ACP7: variants seen among roughly 807,000 people sequenced by gnomAD.
ACP7 encodes acid phosphatase type 7.
A neutral mutation model predicts 60.6 loss-of-function variants in ACP7; 58 were observed. That is an observed-to-expected ratio of 0.96 (90% CI 0.77 to 1.19). The LOEUF (loss-of-function observed/expected upper bound fraction) is 1.19, where lower values mean the gene tolerates loss of function less well. Ranked by LOEUF, ACP7 falls within the 50% of genes most tolerant of loss-of-function variation. The probability of loss-of-function intolerance (pLI) is 0.00; values close to 1 mark genes in which losing one functional copy is unlikely to be tolerated. For missense variants in ACP7, 574 were observed against 596.2 expected (o/e 0.96, Z 0.39); for synonymous variants, 237 against 232.6 (o/e 1.02, Z -0.17).
rs570115329 is a variant in ACP7, at chr19:39,106,371, C to T, written c.1114-576C>T. On this transcript the variant is annotated intron_variant, in intron 11 of 12. Coordinates refer to ENST00000331256, the MANE Select transcript of ACP7 (RefSeq NM_001004318.3). Reference sequence around the variant, plus strand: ...TGTATTTAACTGACTCCCTGATGGGCGTTGGGATGGCTTCCAGTTCAGGGC... The same window carrying T: ...TGTATTTAACTGACTCCCTGATGGGTGTTGGGATGGCTTCCAGTTCAGGGC... Among the ~76,000 whole-genome samples, 122 of 152,266 alleles carry T rather than the reference C, an allele frequency of 8.0e-4. 1 individual carries two copies. In the Middle Eastern group the frequency reaches 0.01, roughly 13 times the overall value.
rs1415725659 is a variant in ACP7, at chr19:39,100,223, C to G, written c.506-4C>G. On this transcript the variant is annotated splice_region_variant and splice_polypyrimidine_tract_variant and intron_variant, in intron 4 of 12. Coordinates refer to ENST00000331256, the MANE Select transcript of ACP7 (RefSeq NM_001004318.3). Reference sequence around the variant, plus strand: ...CCTCACCCTCCTTCCGCCCCCTCCCCCAGGAGACTTTGCCTACAACCTGGA... The same window carrying G: ...CCTCACCCTCCTTCCGCCCCCTCCCGCAGGAGACTTTGCCTACAACCTGGA... 1.9e-6 allele frequency: 3 copies of G among 1,613,794 alleles called. No homozygotes were observed. Among genetic ancestry groups the G allele is most frequent in the South Asian group, 1.1e-5 (1 of 91,086 alleles).
At chr19:39,099,221 G>T (rs1344087213) in intron 4 of ACP7, 79 bp downstream of exon 4, 8 of 1,365,762 alleles carry the variant, frequency 5.9e-6, no homozygotes, top group Non-Finnish European at 7.5e-6. Flanking sequence ...GGTCGGGGGC[G>T]CGCGGGTCGG....
Position 39,101,303 on chromosome 19 carries a change from T to C in ACP7, c.989T>C (p.Leu330Pro). The C allele has an allele frequency of 1.2e-6, 2 of 1,614,224 alleles. No homozygotes were observed. The highest frequency in any genetic ancestry group is 4.5e-5 in the East Asian group (2 of 44,884). The change falls in exon 10 of 13, where the codon CTG (leucine) becomes CCG (proline). Residue 330 changes from leucine (L) to proline (P), a missense_variant. Leu to Pro is a moderately conservative substitution (Grantham distance 98, BLOSUM62 -3). Coordinates refer to ENST00000331256, the MANE Select transcript of ACP7 (RefSeq NM_001004318.3). Reference sequence around the variant, plus strand: ...TCTATCTCAGGAGTGGATCTGCAGCTGTGGGCTCATGAGCACTCGTATGAA... The same window carrying C: ...TCTATCTCAGGAGTGGATCTGCAGCCGTGGGCTCATGAGCACTCGTATGAA... ...LFYKYGVDLQ[L>P]WAHEHSYERL...
At chr19:39,092,376 A>G (rs199643243) in intron 2 of ACP7, among the ~76,000 whole-genome samples, 32,578 of 148,770 alleles carry the variant, frequency 0.22, 3,412 homozygotes, top group East Asian at 0.29. Flanking sequence ...CTCTGTATAT[A>G]TATATATATA....
intron 3 of ACP7, 84 bp from the exon 4 acceptor site, chr19:39,098,873 TCCC>T: frequency 7.8e-6 from 11 of 1,402,608 alleles, no homozygotes; most frequent in South Asian, 1.3e-5. Flanking sequence ...CCCCATCTCC[TCCC>T]CTCCACCAGT....
chr19:39,098,178 G>A (rs937411550), intron 2 of ACP7, among the ~76,000 whole-genome samples: 2 of 147,360 alleles, frequency 1.4e-5, no homozygotes, highest in African/African-American at 2.5e-5. Flanking sequence ...TTGAACCTGC[G>A]AGGCGGCAGA....
chr19:39,085,747 G>C (rs535839538), intron 2 of ACP7, among the ~76,000 whole-genome samples: 39 of 152,304 alleles, frequency 2.6e-4, no homozygotes, highest in Admixed American at 2.4e-3. Context: ...TGATAACAGA[G>C]CTGGGTTACC....
At chr19:39,099,992 CAAAAA>C (rs35619428) in intron 4 of ACP7, among the ~76,000 whole-genome samples, 2 of 72,522 alleles carry the variant, frequency 2.8e-5, no homozygotes, top group East Asian at 4.1e-4. Flanking sequence ...GACTCTGTCT[CAAAAA>C]AAAAAAAAAA....
At chr19:39,099,254 G>T (rs1457835688) in intron 4 of ACP7, 112 bp downstream of exon 4, 1 of 1,218,070 alleles carries the variant, frequency 8.2e-7, no homozygotes, top group Non-Finnish European at 1.1e-6. Context: ...GACCGTGGAG[G>T]GGACAGGGCT....
intron 2 of ACP7, among the ~76,000 whole-genome samples, chr19:39,089,522 T>C (rs2073181490): frequency 1.3e-5 from 2 of 152,206 alleles, no homozygotes; most frequent in South Asian, 4.1e-4. Flanking sequence ...TCAAGATTGG[T>C]ACAATCCTGT....
rs2073467409 is a variant in ACP7, at chr19:39,111,220, C to A, written c.*1102C>A. 6.6e-6 allele frequency: 1 copy of A among 152,356 alleles called. No homozygotes were observed. Among genetic ancestry groups the A allele is most frequent in the African/African-American group, 2.4e-5 (1 of 41,442 alleles). The allele number at this position is 152,356 out of a possible 1,614,324, so 9.4% of individuals were successfully genotyped here. A position where few individuals can be genotyped will look rare whatever the true frequency, so the allele number is the denominator to read the frequency against. On this transcript the variant is annotated 3_prime_UTR_variant, in exon 13 of 13. Coordinates refer to ENST00000331256, the MANE Select transcript of ACP7 (RefSeq NM_001004318.3). The stretch of plus-strand genomic sequence containing the variant: ...CTTTGGGAGGCCGAGGCGGGCAGAT[C>A]ACTTGAGCCCAGGAGTTTGAGACCA...
chr19:39,087,778 CAT>C (rs2073161119), intron 2 of ACP7, among the ~76,000 whole-genome samples: 1 of 152,136 alleles, frequency 6.6e-6, no homozygotes, highest in African/African-American at 2.4e-5. Context: ...GGATTACAGG[CAT>C]GCACCACCAC....
chr19:39,099,658 G>A (rs941664209), intron 4 of ACP7, among the ~76,000 whole-genome samples: 1 of 151,920 alleles, frequency 6.6e-6, no homozygotes. Flanking sequence ...GTGTGACCTG[G>A]GGCCTCAGTT....
rs138518296 is a variant in ACP7 at position 39,101,449 on chromosome 19, G to A, written c.1042-17G>A. On this transcript the variant is annotated splice_polypyrimidine_tract_variant and intron_variant, in intron 10 of 12. Transcript: ENST00000331256. Reference sequence around the variant, plus strand: ...CTCGAGTGACTGCCTGCCACCCAACGTTGTTCCCTTCCCCAGGTATTTAAC... The same window carrying A: ...CTCGAGTGACTGCCTGCCACCCAACATTGTTCCCTTCCCCAGGTATTTAAC... 1.9e-5 allele frequency: 31 copies of A among 1,614,086 alleles called. No individual in the cohort carries two copies. Among genetic ancestry groups the A allele is most frequent in the East Asian group, 4.5e-5 (2 of 44,876 alleles).
At chr19:39,097,226 C>CCACCA (rs1446190632) in intron 2 of ACP7, among the ~76,000 whole-genome samples, 1 of 152,058 alleles carries the variant, frequency 6.6e-6, no homozygotes, top group Non-Finnish European at 1.5e-5. Context: ...ATGGGGGAAA[C>CCACCA]CACCACCTTG....
At chr19:39,087,776 G>A (rs758438784) in intron 2 of ACP7, among the ~76,000 whole-genome samples, 4 of 151,956 alleles carry the variant, frequency 2.6e-5, no homozygotes, top group Non-Finnish European at 5.9e-5. Context: ...TGGGATTACA[G>A]GCATGCACCA....
At chr19:39,086,641 A>AAAGGG (rs1555766196) in intron 2 of ACP7, among the ~76,000 whole-genome samples, 1 of 75,204 alleles carries the variant, frequency 1.3e-5, no homozygotes, top group Non-Finnish European at 2.9e-5. Context: ...AAAAAAAAAA[A>AAAGGG]GGGGGGGGGG....
chr19:39,098,166 G>T (rs748239877), intron 2 of ACP7, among the ~76,000 whole-genome samples: 1 of 145,316 alleles, frequency 6.9e-6, no homozygotes, highest in Admixed American at 7.2e-5. Context: ...CAGGAGAATC[G>T]CTTGAACCTG....
chr19:39,096,944 G>T (rs547987110), intron 2 of ACP7, among the ~76,000 whole-genome samples: 1 of 152,138 alleles, frequency 6.6e-6, no homozygotes, highest in African/African-American at 2.4e-5. Context: ...TGGGACTACA[G>T]GCACATGCCA....
Sources: allele counts gnomAD v4.1 joint callset (sites outside exome capture counted in the v4.1 genomes callset), GRCh38; gene constraint gnomAD v4.1.1; transcripts MANE v1.5; gene names NCBI Gene and HGNC (gene_info 2026-07-23, HGNC 2026-07-21).